MYDGF: variants seen among roughly 807,000 people sequenced by gnomAD.
MYDGF encodes myeloid derived growth factor.
Under a neutral mutation model 24.2 loss-of-function variants are expected in MYDGF, and 29 were observed. The observed-to-expected ratio is 1.20, with a 90% CI of 0.89 to 1.63. MYDGF has a LOEUF of 1.63. MYDGF is among the 40% of genes most tolerant of loss of function. The pLI is 0.00. For missense variants in MYDGF, 245 were observed against 234.8 expected, an observed-to-expected ratio of 1.04 and a Z score of -0.29; for synonymous variants, 105 against 102.5, an observed-to-expected ratio of 1.02 and a Z score of -0.15.
intron 3 of MYDGF, among the ~76,000 whole-genome samples, chr19:4,661,974 T>C (rs1481709265): frequency 6.6e-6 from 1 of 152,142 alleles, no homozygotes. Context: ...AGACAGACGA[T>C]GGCGACCGTG....
In MYDGF at chr19:4,660,063, C is replaced by T. The variant is rs60519817; in HGVS notation, c.370-60G>A. The T allele has an allele frequency of 6.1e-3, 9,062 of 1,478,934 alleles. 528 individuals carry two copies. In the East Asian group the frequency reaches 0.14, roughly 23 times the overall value. The allele number at this position is 1,478,934 out of a possible 1,614,324, so 91.6% of individuals were successfully genotyped here. A position where few individuals can be genotyped will look rare whatever the true frequency, so the allele number is the denominator to read the frequency against. On this transcript the variant is annotated intron_variant, in intron 4 of 5. Coordinates refer to ENST00000262947, the MANE Select transcript of MYDGF (RefSeq NM_019107.4). ...AGTTCAATGCTCATCATTAGGAAAA[C>T]GATTGAGTTTGCTTTCCAGAGAAGC... is the stretch of plus-strand genomic sequence containing the variant.
chr19:4,668,849 A>ATTT (rs59730499), intron 1 of MYDGF, among the ~76,000 whole-genome samples: 3 of 140,392 alleles, frequency 2.1e-5, no homozygotes, highest in African/African-American at 5.3e-5. Flanking sequence ...CACCCGACTA[A>ATTT]TTTTTTTTTT....
At chr19:4,659,122 CT>C (rs2044992858) in intron 5 of MYDGF, among the ~76,000 whole-genome samples, 2 of 152,024 alleles carry the variant, frequency 1.3e-5, no homozygotes, top group African/African-American at 4.8e-5. Flanking sequence ...GATGCCCAGG[CT>C]GGAGTGCAGT....
At chr19:4,670,050 A>T in intron 1 of MYDGF, 111 bp downstream of exon 1, 1 of 1,205,214 alleles carries the variant, frequency 8.3e-7, no homozygotes, top group Non-Finnish European at 1.1e-6. Flanking sequence ...CCCCTTCTTC[A>T]GTACCCACCT....
intron 5 of MYDGF, 92 bp from the exon 6 acceptor site, chr19:4,658,176 C>G (rs1425441532): frequency 3.6e-6 from 4 of 1,108,900 alleles, no homozygotes; most frequent in Non-Finnish European, 5.2e-6. Flanking sequence ...GGGGGCTAAG[C>G]AGGCAAGGGG....
At chr19:4,666,565 C>T (rs1250236421) in intron 2 of MYDGF, among the ~76,000 whole-genome samples, 2 of 151,906 alleles carry the variant, frequency 1.3e-5, no homozygotes, top group African/African-American at 2.4e-5. Context: ...CGTGAGCCAC[C>T]GCGCCCAGCC....
Position 4,660,753 on chromosome 19 carries a change from G to A in MYDGF, c.288-3C>T, listed in dbSNP as rs757986671. 1.2e-6 allele frequency: 2 copies of A among 1,613,144 alleles called. No individual in the cohort carries two copies. The highest frequency in any genetic ancestry group is 4.5e-5 in the East Asian group (2 of 44,840). On this transcript the variant is annotated splice_region_variant and splice_polypyrimidine_tract_variant and intron_variant, in intron 3 of 5. Transcript: ENST00000262947. ...ACAGATAGGACTTCCCCTGGGGCCTGCAGAGGAAGAGGGGGCGAGGGAGTC... is the reference window on the plus strand; with the variant it reads ...ACAGATAGGACTTCCCCTGGGGCCTACAGAGGAAGAGGGGGCGAGGGAGTC...
chr19:4,660,711 C>T lies in MYDGF; in HGVS notation c.327G>A (p.Lys109=). 18 of 1,614,154 alleles carry T rather than the reference C, an allele frequency of 1.1e-5. No individual in the cohort carries two copies. The highest frequency in any genetic ancestry group is 1.5e-5 in the Non-Finnish European group (18 of 1,180,032). ...GKSYLYFTQF[K]AEVRGAEIEY... ...CAATCTCAGCGCCCCGCACCTCTGC[C>T]TTGAACTGTGTGAAGTACAGATAGG... The change falls in exon 4 of 6, where the codon AAG becomes AAA. Residue 109 remains lysine (K), a synonymous_variant. Transcript: ENST00000262947.
rs1007278311 is a variant in MYDGF, at chr19:4,658,027, T to C, written c.500A>G (p.Lys167Arg). 3 of 1,611,388 alleles carry C rather than the reference T, an allele frequency of 1.9e-6. No individual in the cohort carries two copies. The highest frequency in any genetic ancestry group is 2.5e-6 in the Non-Finnish European group (3 of 1,179,374). Reference protein sequence around the residue: ...AELSKLVIVAKASRTEL With the variant: ...AELSKLVIVARASRTEL The stretch of plus-strand genomic sequence containing the variant: ...TGGTCACAGCTCAGTGCGCGATGCC[T>C]TGGCCACAATCACCAGCTTGGACAG... The change falls in exon 6 of 6, where the codon AAG becomes AGG. Residue 167 changes from lysine (K) to arginine (R), a missense_variant. Physicochemically the swap from Lys to Arg is conservative, Grantham distance 26. Coordinates refer to ENST00000262947, the MANE Select transcript of MYDGF (RefSeq NM_019107.4).
At chr19:4,661,243 G>A (rs958103330) in intron 3 of MYDGF, among the ~76,000 whole-genome samples, 1 of 152,158 alleles carries the variant, frequency 6.6e-6, no homozygotes, top group African/African-American at 2.4e-5. Context: ...TGTGATTAGA[G>A]GTGTGAGCCA....
chr19:4,668,346 G>A (rs1401890990), intron 2 of MYDGF, among the ~76,000 whole-genome samples: 2 of 150,804 alleles, frequency 1.3e-5, no homozygotes, highest in African/African-American at 4.8e-5. Context: ...AGATGCTCAT[G>A]GGGATGGCAG....
In MYDGF at chr19:4,670,243, G is replaced by A. The variant is rs377031868; in HGVS notation, c.92C>T (p.Ala31Val). The A allele has an allele frequency of 1.8e-5, 28 of 1,562,816 alleles. No individual in the cohort carries two copies. Among genetic ancestry groups the A allele is most frequent in the African/African-American group, 2.8e-5 (2 of 71,002 alleles). ...CGCCACCGTCGTGGGCTCGGACACC[G>A]CCTCCGCCGGCCTCAGCGCCACGGC... Reference protein sequence around the residue: ...LGAVALRPAEAVSEPTTVAFD... With the variant: ...LGAVALRPAEVVSEPTTVAFD... The change falls in exon 1 of 6, where the codon GCG (alanine) becomes GTG (valine). Residue 31 changes from alanine (A) to valine (V), a missense_variant. Physicochemically the swap from Ala to Val is moderately conservative, Grantham distance 64. Coordinates refer to ENST00000262947, the MANE Select transcript of MYDGF (RefSeq NM_019107.4).
At chr19:4,668,136 C>G (rs1290672939) in intron 2 of MYDGF, among the ~76,000 whole-genome samples, 1 of 152,128 alleles carries the variant, frequency 6.6e-6, no homozygotes, top group African/African-American at 2.4e-5. Context: ...CCATGTTGGC[C>G]AGGCTGGTCT....
At chr19:4,660,145 A>G in intron 4 of MYDGF, 142 bp from the exon 5 acceptor site, 1 of 773,896 alleles carries the variant, frequency 1.3e-6, no homozygotes, top group Non-Finnish European at 2.2e-6. Context: ...TTTGTTTTTG[A>G]GCCAGGACCT....
intron 3 of MYDGF, among the ~76,000 whole-genome samples, chr19:4,661,214 C>T (rs889727492): frequency 6.6e-6 from 1 of 152,146 alleles, no homozygotes; most frequent in Non-Finnish European, 1.5e-5. Context: ...GATCCACTCG[C>T]CTCAGCCTCC....
chr19:4,666,821 T>G (rs1292587595), intron 2 of MYDGF, among the ~76,000 whole-genome samples: 1 of 152,132 alleles, frequency 6.6e-6, no homozygotes, highest in Non-Finnish European at 1.5e-5. Flanking sequence ...ATCCCAGCAC[T>G]TTGGGAGGCC....
At chr19:4,667,042 T>C (rs2088526626) in intron 2 of MYDGF, among the ~76,000 whole-genome samples, 1 of 151,826 alleles carries the variant, frequency 6.6e-6, no homozygotes, top group Non-Finnish European at 1.5e-5. Context: ...TCTCAGCTCC[T>C]AGAGGCCGCG....
intron 2 of MYDGF, among the ~76,000 whole-genome samples, chr19:4,668,386 A>G (rs1038457179): frequency 6.6e-6 from 1 of 152,220 alleles, no homozygotes; most frequent in Non-Finnish European, 1.5e-5. Context: ...CCTTCTGTCC[A>G]GACATTTGCT....
intron 3 of MYDGF, among the ~76,000 whole-genome samples, chr19:4,661,305 C>T (rs537014742): frequency 2.0e-5 from 3 of 152,232 alleles, no homozygotes; most frequent in Admixed American, 6.5e-5. Context: ...TTCATAGACA[C>T]GCCTCTCTCC....
Sources: gnomAD v4.1 joint callset for allele counts (sites outside exome capture counted in the v4.1 genomes callset) on GRCh38, gnomAD v4.1.1 for gene constraint, MANE v1.5 for transcripts, NCBI Gene and HGNC (gene_info 2026-07-23, HGNC 2026-07-21) for gene names.